The following MAPK8IP3 variants were observed in gnomAD, a reference collection of about 807,000 sequenced individuals.
The protein encoded by MAPK8IP3 is mitogen-activated protein kinase 8 interacting protein 3, also known as C-Jun-amino-terminal kinase-interacting protein 3.
Under a neutral mutation model 157.8 loss-of-function variants are expected in MAPK8IP3, and 49 were observed. That is an observed-to-expected ratio of 0.31 (90% confidence interval 0.25 to 0.39). The LOEUF is 0.39. MAPK8IP3 is among the 10% of genes least tolerant of loss of function. The pLI is 1.00. For missense variants in MAPK8IP3, 1,478 were observed against 1,889.4 expected, an observed-to-expected ratio of 0.78 and a Z score of 4.04; for synonymous variants, 897 against 777.7, an observed-to-expected ratio of 1.15 and a Z score of -2.55.
intron 5 of MAPK8IP3, chr16:1,744,770 G>A (rs1322465261): frequency 3.8e-5 from 37 of 985,496 alleles, no homozygotes; most frequent in East Asian, 2.3e-4. Flanking sequence ...CACCTCCTGC[G>A]TTGTCTGACA....
At chr16:1,726,084 G>T (rs2038860137) in intron 2 of MAPK8IP3, among the ~76,000 whole-genome samples, 1 of 152,220 alleles carries the variant, frequency 6.6e-6, no homozygotes, top group African/African-American at 2.4e-5. Context: ...ATTTGGGAAA[G>T]AAACTGTTTT....
intron 4 of MAPK8IP3, among the ~76,000 whole-genome samples, chr16:1,739,687 CGT>C (rs1357816024): frequency 8.5e-6 from 1 of 118,110 alleles, no homozygotes; most frequent in Non-Finnish European, 1.7e-5. Context: ...AGTGACCGTC[CGT>C]GTGAGCTTCC....
chr16:1,762,977 C>T lies in MAPK8IP3; in HGVS notation c.1869C>T (p.Gly623=), dbSNP rs1252883915. 1.4e-5 allele frequency: 22 copies of T among 1,612,776 alleles called. No individual in the cohort carries two copies. Among genetic ancestry groups the T allele is most frequent in the Non-Finnish European group, 1.8e-5 (21 of 1,179,994 alleles). ...ATGCCATGTGCCCGATCTCGGCAGG[C>T]AGCCGGCCCCTGGAATTCTTCCCTG... ...RNHAMCPISA[G]SRPLEFFPDD... Residue 623 remains glycine, a synonymous_variant, in exon 16 of 32, where the codon GGC becomes GGT. Transcript: ENST00000610761.
At position 1,761,233 on chromosome 16, in the gene MAPK8IP3, C is replaced by T. The variant is rs763901929; in HGVS notation, c.1467C>T (p.Ser489=). ...CTTCCCCTTCCCACAGAGTGAAGTC[C>T]GAGGCCATCATCGCCCGCCGTGAAC... is the stretch of plus-strand genomic sequence containing the variant. ...ELEEELKRVK[S]EAIIARREPK... The change falls in exon 13 of 32, where the codon TCC becomes TCT. Residue 489 remains serine (S), a synonymous_variant. Coordinates refer to ENST00000610761, the MANE Select transcript of MAPK8IP3 (RefSeq NM_001318852.2). 1.9e-6 allele frequency: 3 copies of T among 1,613,516 alleles called. No individual in the cohort carries two copies. The highest frequency in any genetic ancestry group is 1.1e-5 in the South Asian group (1 of 91,086).
rs902156881 is a variant in MAPK8IP3, at chr16:1,710,563, A to G, written c.318+3906A>G. ...GATTCAGCTGGAGAAAACAAACACCATAATCCCGCTCTACAGAGATGATCA... is the reference window on the plus strand; with the variant it reads ...GATTCAGCTGGAGAAAACAAACACCGTAATCCCGCTCTACAGAGATGATCA... On this transcript the variant is annotated intron_variant, in intron 1 of 31. Coordinates refer to ENST00000610761, the MANE Select transcript of MAPK8IP3 (RefSeq NM_001318852.2). The surrounding 1 kb of genome is among the most constrained non-coding windows in gnomAD (Gnocchi z 4.1). 5.9e-5 allele frequency among the ~76,000 whole-genome samples: 9 copies of G among 152,178 alleles called. No homozygotes were observed. The highest frequency in any genetic ancestry group is 2.2e-4 in the African/African-American group (9 of 41,444).
Position 1,743,825 on chromosome 16 carries a change from C to T in MAPK8IP3, c.747+349C>T. ...CAAACCACACCCCCACATAAAGCCTCATGCTCACCCGGGCTCCAGCCAGAC... is the reference window on the plus strand; with the variant it reads ...CAAACCACACCCCCACATAAAGCCTTATGCTCACCCGGGCTCCAGCCAGAC... On this transcript the variant is annotated intron_variant, in intron 5 of 31. Transcript: ENST00000610761. This position sits in a 1 kb window ranked among gnomAD's most constrained non-coding sequence, Gnocchi z 5.6. The T allele has an allele frequency of 8.6e-7, 1 of 1,159,776 alleles. No individual in the cohort carries two copies. The allele number at this position is 1,159,776 out of a possible 1,614,324, so 71.8% of individuals were successfully genotyped here.
rs1456515007 is a variant in MAPK8IP3, at chr16:1,768,695, G to A, written c.3893-8G>A. The A allele has an allele frequency of 3.1e-6, 5 of 1,611,836 alleles. No individual in the cohort carries two copies. Among genetic ancestry groups the A allele is most frequent in the Non-Finnish European group, 4.2e-6 (5 of 1,179,390 alleles). ...AGCCTGGCCGTCACTCTGCTGCTTT[G>A]CCCGCAGGAGACGGAGAGGACGACG... On this transcript the variant is annotated splice_polypyrimidine_tract_variant and splice_region_variant and intron_variant, in intron 31 of 31. Coordinates refer to ENST00000610761, the MANE Select transcript of MAPK8IP3 (RefSeq NM_001318852.2).
chr16:1,707,068 T>G (rs562162703), intron 1 of MAPK8IP3, among the ~76,000 whole-genome samples: 2 of 151,938 alleles, frequency 1.3e-5, no homozygotes, highest in South Asian at 4.2e-4. Flanking sequence ...CACCCACCTC[T>G]GCATGACAAT....
intron 20 of MAPK8IP3, 97 bp from the exon 21 acceptor site, chr16:1,765,863 G>A (rs766190884): frequency 8.6e-7 from 1 of 1,167,882 alleles, no homozygotes; most frequent in Non-Finnish European, 1.2e-6. Context: ...AAAGTGGAAG[G>A]CCAGCCCCGG....
intron 8 of MAPK8IP3, among the ~76,000 whole-genome samples, chr16:1,753,445 A>ATTT (rs199784594): frequency 2.7e-5 from 4 of 149,014 alleles, no homozygotes; most frequent in Non-Finnish European, 5.9e-5. Context: ...TTATTTATTT[A>ATTT]TTTATTTATT....
At chr16:1,758,534 C>T (rs931703174) in intron 9 of MAPK8IP3, among the ~76,000 whole-genome samples, 5 of 152,208 alleles carry the variant, frequency 3.3e-5, no homozygotes, top group African/African-American at 1.2e-4. Flanking sequence ...AAGCCCAGCC[C>T]GGGGTCCCCT....
At chr16:1,723,496 T>A (rs1187325767) in intron 1 of MAPK8IP3, among the ~76,000 whole-genome samples, 2 of 152,144 alleles carry the variant, frequency 1.3e-5, no homozygotes, top group Non-Finnish European at 2.9e-5. Context: ...GACACATGCC[T>A]GTAGTCCCAG....
At chr16:1,720,368 C>T (rs1316356207) in intron 1 of MAPK8IP3, among the ~76,000 whole-genome samples, 1 of 152,138 alleles carries the variant, frequency 6.6e-6, no homozygotes, top group Non-Finnish European at 1.5e-5. Flanking sequence ...TTTAAAGCAA[C>T]CTGAAAGTCC....
chr16:1,739,876 ATCCGTGTGACCG>A (rs957501709), intron 4 of MAPK8IP3, among the ~76,000 whole-genome samples: 1 of 56,738 alleles, frequency 1.8e-5, no homozygotes, highest in Non-Finnish European at 3.2e-5. Context: ...GCCTGTGAGC[ATCCGTGTGACCG>A]TCCGTGTGAG....
chr16:1,722,373 G>A (rs550183812), intron 1 of MAPK8IP3, among the ~76,000 whole-genome samples: 1 of 152,278 alleles, frequency 6.6e-6, no homozygotes, highest in East Asian at 1.9e-4. Flanking sequence ...AGCCCCAGTG[G>A]TTTCAACACA....
At chr16:1,731,915 CTT>C (rs1183532935) in intron 4 of MAPK8IP3, among the ~76,000 whole-genome samples, 2 of 152,174 alleles carry the variant, frequency 1.3e-5, no homozygotes, top group Non-Finnish European at 2.9e-5. Flanking sequence ...TGCACTGAGT[CTT>C]ATTCCTTCCA....
chr16:1,706,731 C>T lies in MAPK8IP3; in HGVS notation c.318+74C>T, dbSNP rs2037411188. The T allele has an allele frequency of 2.1e-6, 3 of 1,420,428 alleles. No individual in the cohort carries two copies. The highest frequency in any genetic ancestry group is 2.8e-6 in the Non-Finnish European group (3 of 1,076,040). The allele number at this position is 1,420,428 out of a possible 1,614,324, so 88.0% of individuals were successfully genotyped here. ...CAGCCCCGGGCCCCGGACCCAACAC[C>T]CGTCCCGACCCCAGACCCCGCTCCG... On this transcript the variant is annotated intron_variant, in intron 1 of 31. Coordinates refer to ENST00000610761, the MANE Select transcript of MAPK8IP3 (RefSeq NM_001318852.2). This position sits in a 1 kb window ranked among gnomAD's most constrained non-coding sequence, Gnocchi z 5.1.
chr16:1,732,548 A>C (rs920357944), intron 4 of MAPK8IP3, among the ~76,000 whole-genome samples: 9 of 152,240 alleles, frequency 5.9e-5, no homozygotes, highest in African/African-American at 2.2e-4. Flanking sequence ...GCAGGTCCTC[A>C]GGCAGTCTCG....
At chr16:1,735,775 G>A (rs1168681777) in intron 4 of MAPK8IP3, among the ~76,000 whole-genome samples, 1 of 142,964 alleles carries the variant, frequency 7.0e-6, no homozygotes, top group Non-Finnish European at 1.5e-5. Flanking sequence ...GACCGTCCAT[G>A]TGAGAGTGTG....
Sources: allele counts gnomAD v4.1 joint callset (sites outside exome capture counted in the v4.1 genomes callset), GRCh38; gene constraint gnomAD v4.1.1; non-coding constraint Gnocchi (gnomAD v3.1); transcripts MANE v1.5; gene names NCBI Gene and HGNC (gene_info 2026-07-23, HGNC 2026-07-21).